Variants in GALNTL6 observed in about 807,000 individuals in gnomAD.
GALNTL6 encodes the protein polypeptide N-acetylgalactosaminyltransferase-like 6.
In GALNTL6, 46 loss-of-function variants were observed where a neutral mutation model predicts 73.7. The ratio of observed to expected loss-of-function variants is 0.62; its 90% CI spans 0.49 to 0.80. The LOEUF is 0.80. Ranked by LOEUF, GALNTL6 falls within the 30% of genes least tolerant of loss-of-function variation. GALNTL6 has a pLI of 0.00. For missense variants in GALNTL6, 604 were observed against 755.0 expected (o/e 0.80, Z 2.34); for synonymous variants, 259 against 263.7 (o/e 0.98, Z 0.17).
intron 2 of GALNTL6, among the ~76,000 whole-genome samples, chr4:172,207,029 G>C (rs573876500): frequency 2.0e-5 from 3 of 151,260 alleles, no homozygotes; most frequent in Non-Finnish European, 4.4e-5. Context: ...ATGTTAGCCA[G>C]GATGATCTCA....
chr4:172,550,048 A>C (rs1251146224), intron 5 of GALNTL6, among the ~76,000 whole-genome samples: 1 of 152,158 alleles, frequency 6.6e-6, no homozygotes, highest in Non-Finnish European at 1.5e-5. Flanking sequence ...GCAGTGATGA[A>C]CATGCAGTTT....
intron 2 of GALNTL6, among the ~76,000 whole-genome samples, chr4:171,830,711 C>T (rs1295140212): frequency 6.6e-6 from 1 of 152,060 alleles, no homozygotes; most frequent in Non-Finnish European, 1.5e-5. Flanking sequence ...AAGATTTCAT[C>T]AGACATATTG....
intron 5 of GALNTL6, among the ~76,000 whole-genome samples, chr4:172,544,205 C>T (rs1007383635): frequency 1.8e-4 from 27 of 152,114 alleles, no homozygotes; most frequent in African/African-American, 6.3e-4. Flanking sequence ...GTATATGAAG[C>T]CAGATTTAGA....
rs540191957 is a variant in GALNTL6, at chr4:172,009,347, A to C, written c.138+194629A>C. ...AAACAGCGTGTGGGTTGTTGCTCCT[A>C]GCCTGGCATGGTGCTGGACAAATAT... On this transcript the variant is annotated intron_variant, in intron 2 of 12. Coordinates refer to ENST00000506823, the MANE Select transcript of GALNTL6 (RefSeq NM_001034845.3). Among the ~76,000 whole-genome samples, 24 of 152,158 alleles carry C rather than the reference A, an allele frequency of 1.6e-4. No homozygotes were observed. In the South Asian group the frequency reaches 4.6e-3, roughly 29 times the overall value.
chr4:172,041,244 C>T (rs943574503), intron 2 of GALNTL6, among the ~76,000 whole-genome samples: 10 of 152,050 alleles, frequency 6.6e-5, no homozygotes, highest in East Asian at 1.9e-4. Context: ...CTTAAAATGG[C>T]GTTATTCTTT....
chr4:172,586,421 TTA>T (rs1225965454), intron 5 of GALNTL6, among the ~76,000 whole-genome samples: 1 of 151,960 alleles, frequency 6.6e-6, no homozygotes, highest in Non-Finnish European at 1.5e-5. Context: ...CCAAGACAGT[TTA>T]TGATTTATTG....
At chr4:171,877,415 A>C (rs936115018) in intron 2 of GALNTL6, among the ~76,000 whole-genome samples, 2 of 152,186 alleles carry the variant, frequency 1.3e-5, no homozygotes, top group Admixed American at 1.3e-4. Context: ...ATCAGCTACC[A>C]CATAGGGCTA....
At chr4:172,264,544 A>AAT (rs1231793483) in intron 3 of GALNTL6, among the ~76,000 whole-genome samples, 5 of 120,352 alleles carry the variant, frequency 4.2e-5, no homozygotes, top group African/African-American at 1.4e-4. Flanking sequence ...AGGTTGGCAT[A>AAT]ATATATGCCA....
intron 5 of GALNTL6, among the ~76,000 whole-genome samples, chr4:172,735,022 T>C (rs1736376109): frequency 6.6e-6 from 1 of 152,228 alleles, no homozygotes; most frequent in African/African-American, 2.4e-5. Context: ...GCCTCTGCTA[T>C]GGCAGTGCAG....
chr4:172,834,880 C>A (rs567719195), intron 7 of GALNTL6, among the ~76,000 whole-genome samples: 1 of 152,330 alleles, frequency 6.6e-6, no homozygotes, highest in Admixed American at 6.5e-5. Flanking sequence ...GTTCAAGAAC[C>A]ATGAGTGAGA....
chr4:171,947,258 T>C (rs1738729492), intron 2 of GALNTL6, among the ~76,000 whole-genome samples: 1 of 152,118 alleles, frequency 6.6e-6, no homozygotes, highest in African/African-American at 2.4e-5. Context: ...TTAATAATCA[T>C]TTTTAACAAA....
chr4:173,003,949 G>A (rs960242162), intron 10 of GALNTL6, among the ~76,000 whole-genome samples: 1 of 152,166 alleles, frequency 6.6e-6, no homozygotes, highest in Non-Finnish European at 1.5e-5. Context: ...TGGGCTCCTT[G>A]AGAACAGAAG....
At chr4:171,873,541 G>A (rs1230001324) in intron 2 of GALNTL6, among the ~76,000 whole-genome samples, 1 of 152,174 alleles carries the variant, frequency 6.6e-6, no homozygotes, top group Non-Finnish European at 1.5e-5. Flanking sequence ...AGGCAAGGGT[G>A]TAATTTGATG....
At chr4:172,226,532 A>G (rs1736871760) in intron 2 of GALNTL6, among the ~76,000 whole-genome samples, 2 of 150,796 alleles carry the variant, frequency 1.3e-5, no homozygotes, top group South Asian at 4.2e-4. Flanking sequence ...TCTCATTTCA[A>G]TATTTTTTTT....
intron 9 of GALNTL6, among the ~76,000 whole-genome samples, chr4:172,951,691 A>G (rs530479306): frequency 6.6e-6 from 1 of 152,238 alleles, no homozygotes; most frequent in Non-Finnish European, 1.5e-5. Context: ...TCCAGTTTCA[A>G]CACCTTTAGT....
chr4:171,868,624 G>A (rs2110890517), intron 2 of GALNTL6, among the ~76,000 whole-genome samples: 1 of 152,152 alleles, frequency 6.6e-6, no homozygotes, highest in Admixed American at 6.5e-5. Context: ...TACCTCCCTT[G>A]AATCATCTTG....
At chr4:172,256,209 G>C (rs77425085) in intron 3 of GALNTL6, among the ~76,000 whole-genome samples, 1 of 150,478 alleles carries the variant, frequency 6.6e-6, no homozygotes, top group African/African-American at 2.4e-5. Flanking sequence ...CTTCTGTTTC[G>C]CCTGTAAATC....
chr4:171,814,498 G>C lies in GALNTL6; in HGVS notation c.-83G>C. 1.4e-6 allele frequency: 2 copies of C among 1,453,336 alleles called. No individual in the cohort carries two copies. Among genetic ancestry groups the C allele is most frequent in the Non-Finnish European group, 1.9e-6 (2 of 1,047,602 alleles). 90.0% of individuals were successfully genotyped at this position (1,453,336 alleles called of 1,614,324 possible). On this transcript the variant is annotated 5_prime_UTR_variant, in exon 2 of 13. Transcript: ENST00000506823. The stretch of plus-strand genomic sequence containing the variant: ...TCTCAGTTTCTGGTGCTTCGCAGGG[G>C]AGAGGAAAGGAATTTGACATTAAAC...
intron 5 of GALNTL6, among the ~76,000 whole-genome samples, chr4:172,529,022 CAT>C (rs1170228843): frequency 2.3e-5 from 2 of 88,274 alleles, no homozygotes; most frequent in African/African-American, 7.4e-5. Context: ...CACACACACA[CAT>C]ATATATATAT....
Sources: allele counts gnomAD v4.1 joint callset (sites outside exome capture counted in the v4.1 genomes callset), GRCh38; gene constraint gnomAD v4.1.1; transcripts MANE v1.5; gene names NCBI Gene and HGNC (gene_info 2026-07-23, HGNC 2026-07-21).